Variants in HS6ST3 observed in about 807,000 individuals in gnomAD.
The protein encoded by HS6ST3 is heparan-sulfate 6-O-sulfotransferase 3.
A neutral mutation model predicts 36.7 loss-of-function variants in HS6ST3; 12 were observed. That is an observed-to-expected ratio of 0.33 (90% CI 0.21 to 0.53). The LOEUF (loss-of-function observed/expected upper bound fraction) is 0.53. Among genes scored for constraint, HS6ST3 ranks in the 20% least tolerant of loss-of-function variants. HS6ST3 has a pLI of 0.95. For missense variants in HS6ST3, 584 were observed against 640.9 expected, an observed-to-expected ratio of 0.91 and a Z score of 0.96; for synonymous variants, 240 against 257.5, an observed-to-expected ratio of 0.93 and a Z score of 0.65.
At chr13:96,733,731 G>C (rs1196214962) in intron 1 of HS6ST3, among the ~76,000 whole-genome samples, 1 of 152,240 alleles carries the variant, frequency 6.6e-6, no homozygotes, top group Non-Finnish European at 1.5e-5. Context: ...AATGAGCTGG[G>C]GAAACTCTTG....
At chr13:96,577,071 G>A (rs575132496) in intron 1 of HS6ST3, among the ~76,000 whole-genome samples, 1 of 151,610 alleles carries the variant, frequency 6.6e-6, no homozygotes, top group South Asian at 2.1e-4. Context: ...GAACATGCAG[G>A]TTTGTTACAT....
chr13:96,175,290 G>T (rs1462987512), intron 1 of HS6ST3, among the ~76,000 whole-genome samples: 1 of 152,082 alleles, frequency 6.6e-6, no homozygotes, highest in Non-Finnish European at 1.5e-5. Flanking sequence ...CCGGGAGCGT[G>T]TGCACTTTCC....
chr13:96,574,390 C>A, intron 1 of HS6ST3: 1 of 493,648 alleles, frequency 2.0e-6, no homozygotes, highest in South Asian at 1.9e-5. Context: ...TGGTCAAACT[C>A]ACCAGTTACT....
intron 1 of HS6ST3, among the ~76,000 whole-genome samples, chr13:96,342,620 G>A (rs753627632): frequency 3.3e-5 from 5 of 152,110 alleles, no homozygotes; most frequent in Non-Finnish European, 5.9e-5. Flanking sequence ...TCCACACAAA[G>A]CAATAATCTG....
intron 1 of HS6ST3, among the ~76,000 whole-genome samples, chr13:96,542,247 C>T (rs1441917956): frequency 1.3e-5 from 2 of 152,128 alleles, no homozygotes; most frequent in Admixed American, 6.5e-5. Flanking sequence ...AACCATTACC[C>T]ATAGATAGAG....
At chr13:96,630,044 TA>T (rs2056526606) in intron 1 of HS6ST3, among the ~76,000 whole-genome samples, 1 of 152,244 alleles carries the variant, frequency 6.6e-6, no homozygotes. Context: ...TACTGAATTT[TA>T]AATGTTATTT....
At chr13:96,109,202 C>T (rs573009831) in intron 1 of HS6ST3, among the ~76,000 whole-genome samples, 1 of 152,188 alleles carries the variant, frequency 6.6e-6, no homozygotes, top group South Asian at 2.1e-4. Flanking sequence ...CAAGCATTGC[C>T]CGATACATGA....
At chr13:96,524,215 A>T (rs1024363357) in intron 1 of HS6ST3, among the ~76,000 whole-genome samples, 4 of 152,068 alleles carry the variant, frequency 2.6e-5, no homozygotes, top group African/African-American at 9.7e-5. Context: ...TTGCTGCCTG[A>T]TCCTTCCTCT....
chr13:96,722,987 ACG>A (rs1491245577), intron 1 of HS6ST3, among the ~76,000 whole-genome samples: 1 of 122,666 alleles, frequency 8.2e-6, no homozygotes, highest in African/African-American at 3.7e-5. Flanking sequence ...AAAAAAATAT[ACG>A]TGTGTGTGTG....
At chr13:96,599,326 C>A (rs1313557742) in intron 1 of HS6ST3, among the ~76,000 whole-genome samples, 1 of 151,922 alleles carries the variant, frequency 6.6e-6, no homozygotes, top group African/African-American at 2.4e-5. Context: ...TGCTTGTTAT[C>A]AGTCTGTTCA....
chr13:96,529,141 A>G (rs1327698985), intron 1 of HS6ST3, among the ~76,000 whole-genome samples: 1 of 152,142 alleles, frequency 6.6e-6, no homozygotes, highest in Non-Finnish European at 1.5e-5. Flanking sequence ...AATTGTTAGG[A>G]ATTTAAGGAG....
At chr13:96,519,325 T>G (rs1036399067) in intron 1 of HS6ST3, among the ~76,000 whole-genome samples, 7 of 152,238 alleles carry the variant, frequency 4.6e-5, no homozygotes, top group African/African-American at 1.7e-4. Flanking sequence ...AGAAGAGCTA[T>G]GGCTTCACTC....
intron 1 of HS6ST3, among the ~76,000 whole-genome samples, chr13:96,525,130 T>G (rs2056108684): frequency 6.6e-6 from 1 of 152,234 alleles, no homozygotes; most frequent in Non-Finnish European, 1.5e-5. Flanking sequence ...TGGATTATGT[T>G]TTCTCTCGTA....
chr13:96,210,930 T>C (rs2054395909), intron 1 of HS6ST3, among the ~76,000 whole-genome samples: 1 of 150,736 alleles, frequency 6.6e-6, no homozygotes, highest in South Asian at 2.1e-4. Context: ...CTATGATTAT[T>C]ATCTTTTTTT....
intron 1 of HS6ST3, among the ~76,000 whole-genome samples, chr13:96,457,161 T>C (rs926710710): frequency 2.0e-5 from 3 of 152,168 alleles, no homozygotes; most frequent in African/African-American, 7.2e-5. Flanking sequence ...CTCTGAAGTA[T>C]ATTTCAGTGG....
intron 1 of HS6ST3, among the ~76,000 whole-genome samples, chr13:96,115,759 C>A (rs928725780): frequency 6.6e-6 from 1 of 152,000 alleles, no homozygotes; most frequent in Non-Finnish European, 1.5e-5. Context: ...GGGTATATAC[C>A]CCATAATGGG....
chr13:96,789,013 T>C (rs1224961567), intron 1 of HS6ST3, among the ~76,000 whole-genome samples: 1 of 151,852 alleles, frequency 6.6e-6, no homozygotes, highest in African/African-American at 2.4e-5. Flanking sequence ...TTACATTTCA[T>C]TACTGGTATG....
chr13:96,657,620 T>G (rs1464893261), intron 1 of HS6ST3, among the ~76,000 whole-genome samples: 1 of 152,196 alleles, frequency 6.6e-6, no homozygotes, highest in Admixed American at 6.6e-5. Flanking sequence ...CTGTGAGTGA[T>G]CATGGTCTAC....
At chr13:96,579,525 C>T (rs1411966706) in intron 1 of HS6ST3, among the ~76,000 whole-genome samples, 1 of 151,522 alleles carries the variant, frequency 6.6e-6, no homozygotes, top group Non-Finnish European at 1.5e-5. Context: ...CCATGGATTG[C>T]CTACTTACAC....
Sources: gnomAD v4.1 joint callset for allele counts (sites outside exome capture counted in the v4.1 genomes callset) on GRCh38, gnomAD v4.1.1 for gene constraint, MANE v1.5 for transcripts, NCBI Gene and HGNC (gene_info 2026-07-23, HGNC 2026-07-21) for gene names.